Variants in SRL observed in about 807,000 individuals in gnomAD.
SRL encodes sarcalumenin.
A neutral mutation model predicts 39.5 loss-of-function variants in SRL; 23 were observed. The ratio of observed to expected loss-of-function variants is 0.58; its 90% CI spans 0.42 to 0.82. The LOEUF (loss-of-function observed/expected upper bound fraction) is 0.82, where lower values mean the gene tolerates loss of function less well. SRL is among the 40% of genes least tolerant of loss of function. The pLI is 0.00. For synonymous variants in SRL, 272 were observed against 237.4 expected (o/e 1.15, Z -1.34); for missense variants, 592 against 607.8 (o/e 0.97, Z 0.27).
Position 4,235,818 on chromosome 16 carries a change from G to A in SRL, c.61+6189C>T, listed in dbSNP as rs576941100. Among the ~76,000 whole-genome samples, 48 of 152,330 alleles carry A rather than the reference G, an allele frequency of 3.2e-4. No homozygotes were observed. In the South Asian group the frequency reaches 3.7e-3, roughly 12 times the overall value. ...AAAAAGCTAGCCCTGGGCCGGGCAC[G>A]GTGGCTCACGCCTGTAATCCCAGCA... On this transcript the variant is annotated intron_variant, in intron 1 of 5. Coordinates refer to ENST00000399609, the MANE Select transcript of SRL (RefSeq NM_001098814.2).
intron 1 of SRL, among the ~76,000 whole-genome samples, chr16:4,213,648 C>T (rs1197538225): frequency 3.3e-5 from 5 of 151,488 alleles, no homozygotes; most frequent in Non-Finnish European, 7.4e-5. Flanking sequence ...TGGCCTCAAG[C>T]GATCCTCCCA....
At chr16:4,240,552 G>A (rs915259587) in intron 1 of SRL, among the ~76,000 whole-genome samples, 1 of 152,146 alleles carries the variant, frequency 6.6e-6, no homozygotes, top group Non-Finnish European at 1.5e-5. Flanking sequence ...GACCCAGGAA[G>A]GAAAGACAGC....
At position 4,203,263 on chromosome 16, in the gene SRL, T is replaced by G; in HGVS notation, c.164-2A>C. On this transcript the variant is annotated splice_acceptor_variant, in intron 2 of 5. Coordinates refer to ENST00000399609, the MANE Select transcript of SRL (RefSeq NM_001098814.2). LOFTEE classifies it high-confidence loss of function. ...TCTTCCGAAGCCGCTGCAGCACCGCTGGAGACAGAGAGGGCCGGGGGAAGA... is the reference window on the plus strand; with the variant it reads ...TCTTCCGAAGCCGCTGCAGCACCGCGGGAGACAGAGAGGGCCGGGGGAAGA... 1 of 1,613,834 alleles carries G rather than the reference T, an allele frequency of 6.2e-7. No individual in the cohort carries two copies. Among genetic ancestry groups the G allele is most frequent in the Non-Finnish European group, 8.5e-7 (1 of 1,179,778 alleles).
intron 1 of SRL, among the ~76,000 whole-genome samples, chr16:4,212,760 A>G (rs1242450643): frequency 1.3e-5 from 2 of 151,116 alleles, no homozygotes; most frequent in Non-Finnish European, 2.9e-5. Context: ...CACAACACAC[A>G]ACAATCCTGC....
chr16:4,204,071 G>A (rs1361182499), intron 2 of SRL, among the ~76,000 whole-genome samples: 3 of 152,310 alleles, frequency 2.0e-5, no homozygotes, highest in African/African-American at 7.2e-5. Context: ...CTAGCCGTGG[G>A]CCAGGAGCAA....
chr16:4,207,472 G>A (rs868484740), intron 1 of SRL: 3 of 456,672 alleles, frequency 6.6e-6, no homozygotes, highest in Middle Eastern at 3.2e-4. Context: ...TCCTCGCCAG[G>A]CCCAGGGCTG....
chr16:4,241,618 C>G (rs1413676752), intron 1 of SRL, among the ~76,000 whole-genome samples: 2 of 152,214 alleles, frequency 1.3e-5, no homozygotes, highest in African/African-American at 4.8e-5. Flanking sequence ...TATATCCCAC[C>G]AGGTGGGAGG....
At position 4,191,812 on chromosome 16, in the gene SRL, G is replaced by T. The variant is rs117159123; in HGVS notation, c.*341C>A. 0.01 allele frequency: 2,288 copies of T among 222,016 alleles called. 16 individuals are homozygous for T. Among genetic ancestry groups the T allele is most frequent in the Middle Eastern group, 0.013 (8 of 602 alleles). The allele number at this position is 222,016 out of a possible 1,614,324, so 13.8% of individuals were successfully genotyped here. ...GCTCACAGGGAACAAAGGAATTTCA[G>T]CTGCTTTTAGCTTATTTGACCCTCA... On this transcript the variant is annotated 3_prime_UTR_variant, in exon 6 of 6. Coordinates refer to ENST00000399609, the MANE Select transcript of SRL (RefSeq NM_001098814.2).
At chr16:4,201,789 A>G (rs371000759) in intron 3 of SRL, among the ~76,000 whole-genome samples, 8 of 128,980 alleles carry the variant, frequency 6.2e-5, no homozygotes, top group Non-Finnish European at 1.1e-4. Flanking sequence ...CTGAGTAGCT[A>G]GGATTACAGC....
chr16:4,240,882 C>T (rs2052765777), intron 1 of SRL, among the ~76,000 whole-genome samples: 2 of 152,182 alleles, frequency 1.3e-5, no homozygotes, highest in African/African-American at 4.8e-5. Context: ...TGCAGCCCTG[C>T]AGAGCCCAAA....
chr16:4,200,709 C>T lies in SRL; in HGVS notation c.259+2457G>A, dbSNP rs145223585. Among the ~76,000 whole-genome samples the T allele has an allele frequency of 3.3e-5, 5 of 152,290 alleles. No homozygotes were observed. In the East Asian group the frequency reaches 7.7e-4, roughly 23 times the overall value. On this transcript the variant is annotated intron_variant, in intron 3 of 5. Transcript: ENST00000399609. Reference sequence around the variant, plus strand: ...GCTGTGCATCCACTACAAAGGGGGGCGATAATTGGCTGCTAGGCTACAAAA... The same window carrying T: ...GCTGTGCATCCACTACAAAGGGGGGTGATAATTGGCTGCTAGGCTACAAAA...
chr16:4,192,443 A>G lies in SRL; in HGVS notation c.1132T>C (p.Phe378Leu). ...FKDIVEDPDKFYIFKTILAKT... is the reference protein window; with the variant it reads ...FKDIVEDPDKLYIFKTILAKT... ...GCCAGGATGGTCTTGAAGATGTAGA[A>G]TTTATCGGGATCTTCCACAATGTCC... is the stretch of plus-strand genomic sequence containing the variant. Residue 378 changes from phenylalanine to leucine, a missense_variant, in exon 6 of 6, where the codon TTC (phenylalanine) becomes CTC (leucine). Phe to Leu is a conservative substitution (Grantham distance 22). Coordinates refer to ENST00000399609, the MANE Select transcript of SRL (RefSeq NM_001098814.2). This position sits in a 1 kb window ranked among gnomAD's most constrained non-coding sequence, Gnocchi z 4.0. 1 of 1,614,168 alleles carries G rather than the reference A, an allele frequency of 6.2e-7. No individual in the cohort carries two copies. Among genetic ancestry groups the G allele is most frequent in the Non-Finnish European group, 8.5e-7 (1 of 1,180,018 alleles).
At chr16:4,193,060 A>C in intron 5 of SRL, 96 bp from the exon 6 acceptor site, 1 of 1,079,152 alleles carries the variant, frequency 9.3e-7, no homozygotes, top group Non-Finnish European at 1.3e-6. Context: ...GGTTGAAAGA[A>C]GGAACAGCGC....
intron 1 of SRL, among the ~76,000 whole-genome samples, chr16:4,216,249 CTTTTA>C (rs765825724): frequency 3.9e-4 from 59 of 152,126 alleles, no homozygotes; most frequent in African/African-American, 1.2e-3. Flanking sequence ...TGACTATTCA[CTTTTA>C]TTTTATTTTA....
intron 1 of SRL, among the ~76,000 whole-genome samples, chr16:4,218,231 C>T (rs2141052185): frequency 6.6e-6 from 1 of 152,322 alleles, no homozygotes; most frequent in South Asian, 2.1e-4. Flanking sequence ...TGACCCCGCA[C>T]TTCACCCCAA....
chr16:4,241,052 G>A (rs980507163), intron 1 of SRL, among the ~76,000 whole-genome samples: 11 of 152,002 alleles, frequency 7.2e-5, no homozygotes, highest in African/African-American at 1.5e-4. Context: ...CAACCTCAAA[G>A]ACCTGAGAGG....
intron 4 of SRL, among the ~76,000 whole-genome samples, chr16:4,196,538 G>A (rs568805643): frequency 6.8e-6 from 1 of 146,022 alleles, no homozygotes; most frequent in Admixed American, 6.9e-5. Flanking sequence ...CTGGAGTGCA[G>A]TGGCATGATC....
chr16:4,198,404 C>G (rs751411476), intron 3 of SRL, among the ~76,000 whole-genome samples: 5 of 152,146 alleles, frequency 3.3e-5, no homozygotes, highest in Admixed American at 6.5e-5. Flanking sequence ...CCCCAAATTC[C>G]CAATACAGCC....
At chr16:4,211,310 G>T (rs574718961) in intron 1 of SRL, among the ~76,000 whole-genome samples, 1 of 149,456 alleles carries the variant, frequency 6.7e-6, no homozygotes, top group Non-Finnish European at 1.5e-5. Context: ...GGGCTCCCAC[G>T]TTGGGGGGGG....
Sources: allele counts gnomAD v4.1 joint callset (sites outside exome capture counted in the v4.1 genomes callset), GRCh38; gene constraint gnomAD v4.1.1; non-coding constraint Gnocchi (gnomAD v3.1); transcripts MANE v1.5; gene names NCBI Gene and HGNC (gene_info 2026-07-23, HGNC 2026-07-21).